Variants in KCNH7 observed in about 807,000 individuals in gnomAD.
The protein encoded by KCNH7 is potassium voltage-gated channel subfamily H member 7, also known as voltage-gated inwardly rectifying potassium channel KCNH7.
KCNH7 carries 49 observed loss-of-function variants against 120.8 expected under a neutral mutation model. That is an observed-to-expected ratio of 0.41 (90% confidence interval 0.32 to 0.51). KCNH7 has a LOEUF of 0.51. Among genes scored for constraint, KCNH7 ranks in the 20% least tolerant of loss-of-function variants. The probability of loss-of-function intolerance (pLI) is 0.38; values close to 1 mark genes in which losing one functional copy is unlikely to be tolerated. For missense variants in KCNH7, 1,097 were observed against 1,446.6 expected, an observed-to-expected ratio of 0.76 and a Z score of 3.92; for synonymous variants, 547 against 516.1, an observed-to-expected ratio of 1.06 and a Z score of -0.81.
chr2:162,572,950 T>C (rs1474618644), intron 2 of KCNH7, among the ~76,000 whole-genome samples: 5 of 152,086 alleles, frequency 3.3e-5, no homozygotes, highest in African/African-American at 4.8e-5. Context: ...TAATGCTAGA[T>C]GACGAGTTAG....
At chr2:162,742,268 T>C (rs920776803) in intron 2 of KCNH7, among the ~76,000 whole-genome samples, 5 of 152,216 alleles carry the variant, frequency 3.3e-5, no homozygotes, top group Admixed American at 6.5e-5. Context: ...TTAATTTATC[T>C]TTTAATTTAT....
chr2:162,540,772 A>G (rs554945477), intron 2 of KCNH7, among the ~76,000 whole-genome samples: 122 of 152,174 alleles, frequency 8.0e-4, no homozygotes, highest in Admixed American at 1.9e-3. Flanking sequence ...AGGGGTTAGC[A>G]TGATTTGACT....
chr2:162,384,934 T>G lies in KCNH7; in HGVS notation c.2716A>C (p.Ser906Arg). 6.3e-7 allele frequency: 1 copy of G among 1,595,782 alleles called. No individual in the cohort carries two copies. The highest frequency in any genetic ancestry group is 1.1e-5 in the South Asian group (1 of 87,406). The change falls in exon 13 of 16, where the codon AGT (serine) becomes CGT (arginine). Residue 906 changes from serine (S) to arginine (R), a missense_variant. By Grantham distance (110) the Ser-to-Arg change is moderately radical (BLOSUM62 -1). Transcript: ENST00000332142. ...SFESEGEKENSTNDPEDSADT... is the reference protein window; with the variant it reads ...SFESEGEKENRTNDPEDSADT... ...GCAGAGTCTTCAGGATCATTTGTAC[T>G]GTTTTCTTTGCCAAAATATATCAAA...
chr2:162,675,761 T>C (rs935590743), intron 2 of KCNH7, among the ~76,000 whole-genome samples: 8 of 151,578 alleles, frequency 5.3e-5, no homozygotes, highest in African/African-American at 1.9e-4. Flanking sequence ...GAGGACTACT[T>C]AAGCTGAGTA....
intron 2 of KCNH7, among the ~76,000 whole-genome samples, chr2:162,668,457 T>C (rs1685225036): frequency 6.6e-6 from 1 of 152,118 alleles, no homozygotes; most frequent in African/African-American, 2.4e-5. Flanking sequence ...TCATGAGAAC[T>C]AAAAATCACA....
intron 2 of KCNH7, among the ~76,000 whole-genome samples, chr2:162,770,677 CT>C (rs1422158793): frequency 7.2e-6 from 1 of 137,998 alleles, no homozygotes; most frequent in African/African-American, 3.0e-5. Context: ...TGTTTTTCAT[CT>C]CATGAATCTT....
chr2:162,657,957 T>C (rs1384755708), intron 2 of KCNH7, among the ~76,000 whole-genome samples: 1 of 152,054 alleles, frequency 6.6e-6, no homozygotes, highest in Non-Finnish European at 1.5e-5. Context: ...GAAATAATCA[T>C]AACCCCCAAT....
At position 162,404,482 on chromosome 2, in the gene KCNH7, G is replaced by C. The variant is rs187022198; in HGVS notation, c.2155-4041C>G. On this transcript the variant is annotated intron_variant, in intron 9 of 15. Coordinates refer to ENST00000332142, the MANE Select transcript of KCNH7 (RefSeq NM_033272.4). ...TCAGAGACGAAGCCTGATGTGAGGTGTTTGGTCATGGGGGTTGATTCCCCA... is the reference window on the plus strand; with the variant it reads ...TCAGAGACGAAGCCTGATGTGAGGTCTTTGGTCATGGGGGTTGATTCCCCA... Among the ~76,000 whole-genome samples, 12 of 152,060 alleles carry C rather than the reference G, an allele frequency of 7.9e-5. 1 individual carries two copies. The highest frequency in any genetic ancestry group is 5.9e-4 in the Admixed American group (9 of 15,260).
At chr2:162,533,457 C>T (rs1357130381) in intron 3 of KCNH7, among the ~76,000 whole-genome samples, 1 of 151,088 alleles carries the variant, frequency 6.6e-6, no homozygotes, top group Non-Finnish European at 1.5e-5. Context: ...AAAACAAAGG[C>T]AAATGACTAA....
At chr2:162,544,172 G>T (rs1692401773) in intron 2 of KCNH7, among the ~76,000 whole-genome samples, 1 of 152,032 alleles carries the variant, frequency 6.6e-6, no homozygotes, top group Admixed American at 6.5e-5. Context: ...TATCCCTGTG[G>T]ATTGTCCCAC....
chr2:162,381,642 G>C (rs1027474997), intron 13 of KCNH7, among the ~76,000 whole-genome samples: 2 of 152,050 alleles, frequency 1.3e-5, no homozygotes, highest in Admixed American at 1.3e-4. Flanking sequence ...CTGCAGAAAT[G>C]GCTAACAGAC....
chr2:162,533,014 G>T (rs1270839323), intron 3 of KCNH7, among the ~76,000 whole-genome samples: 2 of 151,810 alleles, frequency 1.3e-5, no homozygotes, highest in Non-Finnish European at 2.9e-5. Context: ...TAAGCTATTA[G>T]GTTGGTGCAA....
intron 6 of KCNH7, among the ~76,000 whole-genome samples, chr2:162,454,201 T>C (rs768828355): frequency 1.3e-5 from 2 of 152,224 alleles, no homozygotes; most frequent in African/African-American, 4.8e-5. Flanking sequence ...GCACTATTTA[T>C]GAAACAGGGA....
At chr2:162,715,728 G>A (rs1460738322) in intron 2 of KCNH7, among the ~76,000 whole-genome samples, 3 of 152,160 alleles carry the variant, frequency 2.0e-5, no homozygotes, top group African/African-American at 7.2e-5. Context: ...CCCATGGGGG[G>A]AATTAGATAA....
intron 2 of KCNH7, among the ~76,000 whole-genome samples, chr2:162,787,705 G>T (rs574543373): frequency 1.3e-5 from 2 of 152,100 alleles, no homozygotes; most frequent in Non-Finnish European, 2.9e-5. Flanking sequence ...CAGACTCAAG[G>T]CCCAGATAAC....
intron 6 of KCNH7, among the ~76,000 whole-genome samples, chr2:162,459,904 G>A (rs1689090272): frequency 6.6e-6 from 1 of 151,840 alleles, no homozygotes; most frequent in Non-Finnish European, 1.5e-5. Flanking sequence ...GACCATCCTG[G>A]CCAACATGGT....
chr2:162,581,439 G>C (rs1487966935), intron 2 of KCNH7, among the ~76,000 whole-genome samples: 1 of 152,028 alleles, frequency 6.6e-6, no homozygotes, highest in Non-Finnish European at 1.5e-5. Flanking sequence ...AGCAAGAATA[G>C]AGTCATTGTT....
chr2:162,660,943 C>T (rs956602168), intron 2 of KCNH7, among the ~76,000 whole-genome samples: 4 of 152,142 alleles, frequency 2.6e-5, no homozygotes, highest in South Asian at 2.1e-4. Context: ...TACCACGCTT[C>T]CCAGTGATTG....
At chr2:162,729,285 C>T (rs1687637929) in intron 2 of KCNH7, among the ~76,000 whole-genome samples, 1 of 151,888 alleles carries the variant, frequency 6.6e-6, no homozygotes, top group Non-Finnish European at 1.5e-5. Flanking sequence ...CCTGCCTCAG[C>T]CTCCTGAGTA....
Sources: gnomAD v4.1 joint callset for allele counts (sites outside exome capture counted in the v4.1 genomes callset) on GRCh38, gnomAD v4.1.1 for gene constraint, MANE v1.5 for transcripts, NCBI Gene and HGNC (gene_info 2026-07-23, HGNC 2026-07-21) for gene names.